GRIA4: variants seen among roughly 807,000 people sequenced by gnomAD.
The protein encoded by GRIA4 is glutamate receptor 4.
A neutral mutation model predicts 104.0 loss-of-function variants in GRIA4; 34 were observed. That is an observed-to-expected ratio of 0.33 (90% CI 0.25 to 0.44). The LOEUF (loss-of-function observed/expected upper bound fraction) is 0.44. Among genes scored for constraint, GRIA4 ranks in the 20% least tolerant of loss-of-function variants. The pLI is 1.00. For synonymous variants in GRIA4, 386 were observed against 381.9 expected, an observed-to-expected ratio of 1.01 and a Z score of -0.13; for missense variants, 750 against 1,096.5, an observed-to-expected ratio of 0.68 and a Z score of 4.46.
At chr11:105,847,803 T>C (rs114245656) in intron 4 of GRIA4, among the ~76,000 whole-genome samples, 74 of 152,282 alleles carry the variant, frequency 4.9e-4, no homozygotes, top group African/African-American at 1.6e-3. Flanking sequence ...ATATTAGATT[T>C]GGAAAACTTT....
At chr11:105,624,998 C>A (rs1950849507) in intron 3 of GRIA4, among the ~76,000 whole-genome samples, 1 of 152,022 alleles carries the variant, frequency 6.6e-6, no homozygotes. Flanking sequence ...CACAGAGATA[C>A]TGTGATTATA....
At chr11:105,762,544 ATT>A (rs1201729968) in intron 4 of GRIA4, among the ~76,000 whole-genome samples, 1 of 151,954 alleles carries the variant, frequency 6.6e-6, no homozygotes, top group Admixed American at 6.6e-5. Flanking sequence ...TGTTTTGAGG[ATT>A]TTTTTGTGTC....
At chr11:105,930,497 G>A (rs1267504596) in intron 13 of GRIA4, among the ~76,000 whole-genome samples, 1 of 151,862 alleles carries the variant, frequency 6.6e-6, no homozygotes, top group Non-Finnish European at 1.5e-5. Flanking sequence ...TGCATTTAAG[G>A]TATACATAAT....
chr11:105,956,817 G>A (rs1591485238), intron 14 of GRIA4, among the ~76,000 whole-genome samples: 1 of 152,142 alleles, frequency 6.6e-6, no homozygotes, highest in African/African-American at 2.4e-5. Flanking sequence ...GTGTCAGATG[G>A]TATCTCATTG....
At chr11:105,970,151 T>A (rs1484471553) in intron 14 of GRIA4, among the ~76,000 whole-genome samples, 4 of 152,100 alleles carry the variant, frequency 2.6e-5, no homozygotes, top group Non-Finnish European at 4.4e-5. Flanking sequence ...CAGATTTTAA[T>A]CCAAAAAACA....
At chr11:105,761,583 A>G (rs1053160632) in intron 4 of GRIA4, among the ~76,000 whole-genome samples, 21 of 152,094 alleles carry the variant, frequency 1.4e-4, no homozygotes, top group African/African-American at 5.1e-4. Flanking sequence ...ACTCAACTCA[A>G]CTCCAATGTG....
intron 3 of GRIA4, among the ~76,000 whole-genome samples, chr11:105,630,324 G>T (rs1951000425): frequency 6.6e-6 from 1 of 152,142 alleles, no homozygotes; most frequent in African/African-American, 2.4e-5. Flanking sequence ...CCAGCACTTT[G>T]GGAGGCCAAG....
intron 3 of GRIA4, among the ~76,000 whole-genome samples, chr11:105,713,532 G>C (rs1240324432): frequency 1.3e-5 from 2 of 152,088 alleles, no homozygotes; most frequent in Admixed American, 1.3e-4. Flanking sequence ...ACAGATAAAA[G>C]CAATGCTTAA....
At chr11:105,913,097 G>A (rs1390235330) in intron 10 of GRIA4, 2 of 760,948 alleles carry the variant, frequency 2.6e-6, no homozygotes, top group Non-Finnish European at 3.2e-6. Context: ...AAATAAAATT[G>A]ATTGAGAAAT....
At chr11:105,706,133 C>G (rs988679992) in intron 3 of GRIA4, among the ~76,000 whole-genome samples, 7 of 152,152 alleles carry the variant, frequency 4.6e-5, no homozygotes, top group Non-Finnish European at 1.0e-4. Flanking sequence ...GGAAAAAAAG[C>G]CAAGTGTAAT....
intron 3 of GRIA4, among the ~76,000 whole-genome samples, chr11:105,749,863 A>G (rs759653583): frequency 6.6e-6 from 1 of 152,208 alleles, no homozygotes; most frequent in Non-Finnish European, 1.5e-5. Context: ...TCTTATTCTG[A>G]TTAGTGTTTA....
intron 11 of GRIA4, among the ~76,000 whole-genome samples, chr11:105,921,473 G>A (rs1166886663): frequency 2.0e-5 from 3 of 152,108 alleles, no homozygotes; most frequent in Non-Finnish European, 4.4e-5. Flanking sequence ...CAATGCACAT[G>A]CAACATCCCC....
intron 4 of GRIA4, among the ~76,000 whole-genome samples, chr11:105,844,125 G>T (rs959745577): frequency 4.6e-5 from 7 of 152,146 alleles, no homozygotes; most frequent in Admixed American, 4.6e-4. Context: ...TGGTAGCTAT[G>T]ATAAATTGTA....
At chr11:105,838,672 C>T (rs367618623) in intron 4 of GRIA4, among the ~76,000 whole-genome samples, 3 of 152,086 alleles carry the variant, frequency 2.0e-5, no homozygotes, top group South Asian at 2.1e-4. Flanking sequence ...TTCTCATAGA[C>T]GCTATTAAAA....
chr11:105,898,575 C>T (rs947079568), intron 7 of GRIA4, 148 bp downstream of exon 7: 1 of 600,466 alleles, frequency 1.7e-6, no homozygotes, highest in Non-Finnish European at 2.9e-6. Flanking sequence ...CTTGCACATG[C>T]TCTTAATAAT....
intron 3 of GRIA4, among the ~76,000 whole-genome samples, chr11:105,688,385 C>T (rs1476239898): frequency 2.6e-5 from 4 of 151,756 alleles, no homozygotes; most frequent in African/African-American, 4.8e-5. Flanking sequence ...GGTGAAACCC[C>T]GTCTCTACTA....
intron 3 of GRIA4, among the ~76,000 whole-genome samples, chr11:105,741,046 G>A (rs1282104695): frequency 6.6e-6 from 1 of 152,158 alleles, no homozygotes; most frequent in African/African-American, 2.4e-5. Context: ...TAGGAGACTT[G>A]AAGCTGACTG....
chr11:105,721,219 C>T (rs1019848751), intron 3 of GRIA4, among the ~76,000 whole-genome samples: 18 of 152,036 alleles, frequency 1.2e-4, no homozygotes, highest in African/African-American at 4.1e-4. Context: ...ATTTTAGGAA[C>T]GGATCACTAA....
At chr11:105,968,874 A>G (rs1332297355) in intron 14 of GRIA4, among the ~76,000 whole-genome samples, 1 of 152,238 alleles carries the variant, frequency 6.6e-6, no homozygotes, top group Non-Finnish European at 1.5e-5. Context: ...CACAAACCAT[A>G]CAAAGAATTT....
Sources: gnomAD v4.1 joint callset for allele counts (sites outside exome capture counted in the v4.1 genomes callset) on GRCh38, gnomAD v4.1.1 for gene constraint, MANE v1.5 for transcripts, NCBI Gene and HGNC (gene_info 2026-07-23, HGNC 2026-07-21) for gene names.